MGAT5: variants seen among roughly 807,000 people sequenced by gnomAD.
MGAT5 encodes alpha-1,6-mannosylglycoprotein 6-beta-N-acetylglucosaminyltransferase A.
MGAT5 carries 30 observed loss-of-function variants against 94.3 expected under a neutral mutation model. The ratio of observed to expected loss-of-function variants is 0.32; its 90% CI spans 0.24 to 0.43. MGAT5 has a LOEUF of 0.43. Among genes scored for constraint, MGAT5 ranks in the 20% least tolerant of loss-of-function variants. MGAT5 has a pLI of 1.00. For synonymous variants in MGAT5, 310 were observed against 322.9 expected (o/e 0.96, Z 0.43); for missense variants, 691 against 905.5 (o/e 0.76, Z 3.04).
At chr2:134,126,396 G>A (rs958517892) in intron 1 of MGAT5, among the ~76,000 whole-genome samples, 10 of 152,174 alleles carry the variant, frequency 6.6e-5, no homozygotes, top group South Asian at 2.1e-4. Context: ...CCAAAGATCC[G>A]TTCAGTTCCT....
chr2:134,196,419 A>G (rs1400422806), intron 1 of MGAT5, among the ~76,000 whole-genome samples: 2 of 150,554 alleles, frequency 1.3e-5, no homozygotes, highest in Non-Finnish European at 3.0e-5. Flanking sequence ...AAAAAAAACT[A>G]TGGATCCAAG....
rs111549841 is a variant in MGAT5, at chr2:134,437,813, G to A, written c.1870-3945G>A. Among the ~76,000 whole-genome samples, 130 of 152,198 alleles carry A rather than the reference G, an allele frequency of 8.5e-4. 2 individuals are homozygous for A. Among genetic ancestry groups the A allele is most frequent in the African/African-American group, 3.1e-3 (127 of 41,512 alleles). ...GCGAATCCCCTGAGGCTAGGAGTTCGAGGTCAGCCTGGCAAACATGGCGAA... is the reference window on the plus strand; with the variant it reads ...GCGAATCCCCTGAGGCTAGGAGTTCAAGGTCAGCCTGGCAAACATGGCGAA... On this transcript the variant is annotated intron_variant, in intron 14 of 15. Transcript: ENST00000281923.
chr2:134,378,717 G>A (rs939145547), intron 10 of MGAT5, among the ~76,000 whole-genome samples: 3 of 150,558 alleles, frequency 2.0e-5, no homozygotes, highest in African/African-American at 7.3e-5. Flanking sequence ...CCGGGTTCAA[G>A]TGATTCTCCT....
chr2:134,131,701 C>T (rs1371164862), intron 1 of MGAT5, among the ~76,000 whole-genome samples: 1 of 151,742 alleles, frequency 6.6e-6, no homozygotes, highest in Non-Finnish European at 1.5e-5. Flanking sequence ...TTCCTTCTTC[C>T]CCCACCCTGG....
intron 10 of MGAT5, among the ~76,000 whole-genome samples, chr2:134,379,305 G>A (rs1192071451): frequency 3.3e-5 from 5 of 152,168 alleles, no homozygotes; most frequent in Non-Finnish European, 7.3e-5. Flanking sequence ...CCGTCTCCAA[G>A]ATCAAATATT....
intron 2 of MGAT5, among the ~76,000 whole-genome samples, chr2:134,278,740 A>T (rs1003750727): frequency 1.3e-5 from 2 of 152,074 alleles, no homozygotes; most frequent in Non-Finnish European, 2.9e-5. Context: ...CCTCAGCCCC[A>T]CTTGGAACGA....
At chr2:134,305,328 TGGCC>T in intron 2 of MGAT5, among the ~76,000 whole-genome samples, 1 of 152,306 alleles carries the variant, frequency 6.6e-6, no homozygotes, top group South Asian at 2.1e-4. Context: ...GATGTCTGGC[TGGCC>T]AGATAGAATC....
intron 2 of MGAT5, among the ~76,000 whole-genome samples, chr2:134,292,100 A>G (rs1685405051): frequency 6.6e-6 from 1 of 152,228 alleles, no homozygotes; most frequent in Admixed American, 6.5e-5. Context: ...TTAAAATAAA[A>G]GGAAACATTT....
chr2:134,294,411 G>A (rs1408763950), intron 2 of MGAT5, among the ~76,000 whole-genome samples: 1 of 152,138 alleles, frequency 6.6e-6, no homozygotes, highest in East Asian at 1.9e-4. Flanking sequence ...GGGGTATGAT[G>A]TTCATATTTC....
intron 4 of MGAT5, among the ~76,000 whole-genome samples, chr2:134,325,135 A>G (rs1266524359): frequency 2.0e-5 from 3 of 151,988 alleles, no homozygotes; most frequent in African/African-American, 4.8e-5. Context: ...TATGAATGTT[A>G]TATACCACAA....
intron 11 of MGAT5, 140 bp from the exon 12 acceptor site, chr2:134,412,729 C>T: frequency 1.9e-6 from 2 of 1,051,834 alleles, no homozygotes; most frequent in East Asian, 4.8e-5. Context: ...GCCCCACCCC[C>T]CAGGGCCTGG....
chr2:134,271,129 A>G (rs535444303), intron 2 of MGAT5, among the ~76,000 whole-genome samples: 1 of 152,180 alleles, frequency 6.6e-6, no homozygotes, highest in Non-Finnish European at 1.5e-5. Context: ...CCTTCTGGAA[A>G]CTGGAATATT....
At position 134,270,567 on chromosome 2, in the gene MGAT5, T is replaced by A; in HGVS notation, c.406+17T>A. 6.2e-7 allele frequency: 1 copy of A among 1,613,652 alleles called. No homozygotes were observed. The highest frequency in any genetic ancestry group is 8.5e-7 in the Non-Finnish European group (1 of 1,179,624). On this transcript the variant is annotated intron_variant, in intron 2 of 15. Transcript: ENST00000281923. ...ATGTGGCAGGTAAAAATAGCAATTC[T>A]CTGCCCTGATATGGAGTCACACCCT...
intron 1 of MGAT5, among the ~76,000 whole-genome samples, chr2:134,154,791 G>A (rs1472865175): frequency 1.3e-5 from 2 of 152,148 alleles, no homozygotes; most frequent in African/African-American, 2.4e-5. Context: ...GCTGTGAGGC[G>A]ATCAAGTTAA....
intron 1 of MGAT5, among the ~76,000 whole-genome samples, chr2:134,129,570 A>G (rs1457459986): frequency 2.0e-5 from 3 of 152,176 alleles, no homozygotes; most frequent in African/African-American, 7.2e-5. Context: ...TTACTGTTAT[A>G]GGATCTGTTC....
chr2:134,287,318 A>C (rs1158366402), intron 2 of MGAT5, among the ~76,000 whole-genome samples: 1 of 152,218 alleles, frequency 6.6e-6, no homozygotes. Flanking sequence ...CTCTGATTTC[A>C]TGAATCAATA....
At chr2:134,404,707 A>T (rs552961838) in intron 11 of MGAT5, among the ~76,000 whole-genome samples, 25 of 152,220 alleles carry the variant, frequency 1.6e-4, no homozygotes, top group Admixed American at 4.6e-4. Flanking sequence ...GATGCCACAA[A>T]TAAAATGATT....
At chr2:134,344,037 C>T (rs986302423) in intron 7 of MGAT5, among the ~76,000 whole-genome samples, 6 of 152,148 alleles carry the variant, frequency 3.9e-5, no homozygotes, top group Admixed American at 1.3e-4. Context: ...AGCTGTCAAG[C>T]AGAGTCCTGT....
At chr2:134,137,253 C>T (rs539873179) in intron 1 of MGAT5, among the ~76,000 whole-genome samples, 4 of 152,312 alleles carry the variant, frequency 2.6e-5, no homozygotes, top group Admixed American at 6.5e-5. Flanking sequence ...TTCCTGTTGG[C>T]GTATGGCTTT....
Sources: gnomAD v4.1 joint callset for allele counts (sites outside exome capture counted in the v4.1 genomes callset) on GRCh38, gnomAD v4.1.1 for gene constraint, MANE v1.5 for transcripts, NCBI Gene and HGNC (gene_info 2026-07-23, HGNC 2026-07-21) for gene names.